Variants in ADARB2 observed in about 807,000 individuals in gnomAD.
ADARB2 encodes the protein inactive double-stranded RNA-specific editase B2.
Under a neutral mutation model 62.2 loss-of-function variants are expected in ADARB2, and 25 were observed. The observed-to-expected ratio is 0.40, with a 90% confidence interval of 0.29 to 0.56. ADARB2 has a LOEUF of 0.56. Among genes scored for constraint, ADARB2 ranks in the 20% least tolerant of loss-of-function variants. ADARB2 has a pLI of 0.43. For synonymous variants in ADARB2, 572 were observed against 500.8 expected, an observed-to-expected ratio of 1.14 and a Z score of -1.90; for missense variants, 1,071 against 1,077.4, an observed-to-expected ratio of 0.99 and a Z score of 0.08.
At chr10:1,665,797 C>T (rs1292641355) in intron 1 of ADARB2, among the ~76,000 whole-genome samples, 3 of 152,212 alleles carry the variant, frequency 2.0e-5, no homozygotes, top group Non-Finnish European at 4.4e-5. Flanking sequence ...TTGTGTCCCC[C>T]AGAGAAGGCC....
intron 4 of ADARB2, among the ~76,000 whole-genome samples, chr10:1,260,040 A>C (rs1831118917): frequency 6.6e-6 from 1 of 152,210 alleles, no homozygotes. Context: ...ACAGAACCAA[A>C]GGCAAAAACC....
At chr10:1,715,045 C>A (rs1443131014) in intron 1 of ADARB2, among the ~76,000 whole-genome samples, 1 of 141,536 alleles carries the variant, frequency 7.1e-6, no homozygotes, top group African/African-American at 2.7e-5. Flanking sequence ...ATGTTCCCAA[C>A]AAGGGGCTTT....
At chr10:1,542,977 G>GTAGT (rs1832459115) in intron 1 of ADARB2, among the ~76,000 whole-genome samples, 1 of 152,266 alleles carries the variant, frequency 6.6e-6, no homozygotes, top group African/African-American at 2.4e-5. Context: ...GATCACAGCT[G>GTAGT]TCCGTCCGCC....
At chr10:1,568,945 T>C (rs189733261) in intron 1 of ADARB2, among the ~76,000 whole-genome samples, 96 of 152,200 alleles carry the variant, frequency 6.3e-4, no homozygotes, top group African/African-American at 2.2e-3. Context: ...ATTTGTATGA[T>C]GACCTGGAAG....
intron 2 of ADARB2, among the ~76,000 whole-genome samples, chr10:1,371,352 C>A (rs1351572876): frequency 6.6e-6 from 1 of 152,096 alleles, no homozygotes. Flanking sequence ...TACAAGAAAA[C>A]CTAGGAAAAA....
chr10:1,665,262 A>G (rs533023135), intron 1 of ADARB2, among the ~76,000 whole-genome samples: 2 of 152,342 alleles, frequency 1.3e-5, no homozygotes, highest in East Asian at 3.9e-4. Flanking sequence ...GACTTCATAT[A>G]ACAATTAATA....
chr10:1,241,252 C>G (rs768626130), intron 5 of ADARB2, among the ~76,000 whole-genome samples: 2 of 151,704 alleles, frequency 1.3e-5, no homozygotes, highest in African/African-American at 2.4e-5. Context: ...GAGCAAGACT[C>G]CATCTCAAAA....
In ADARB2 at chr10:1,285,439, G is replaced by C. The variant is rs530011768; in HGVS notation, c.1078-14370C>G. On this transcript the variant is annotated intron_variant, in intron 3 of 9. Coordinates refer to ENST00000381312, the MANE Select transcript of ADARB2 (RefSeq NM_018702.4). ...TGGCACCCTCAGAGCAGAGGTTTAA[G>C]ATACCCAGCCTTGAAGCTATGAATG... Among the ~76,000 whole-genome samples, 142 of 152,348 alleles carry C rather than the reference G, an allele frequency of 9.3e-4. 1 individual carries two copies. The Middle Eastern group carries it at 0.01, about 11-fold the overall frequency.
At chr10:1,321,066 A>G (rs1054099653) in intron 3 of ADARB2, among the ~76,000 whole-genome samples, 7 of 152,218 alleles carry the variant, frequency 4.6e-5, no homozygotes, top group African/African-American at 1.4e-4. Flanking sequence ...TCTGACTTCC[A>G]TCTGTCATAC....
At chr10:1,717,140 T>G (rs1835028620) in intron 1 of ADARB2, among the ~76,000 whole-genome samples, 1 of 146,400 alleles carries the variant, frequency 6.8e-6, no homozygotes, top group South Asian at 2.2e-4. Context: ...CTGTCTCTGC[T>G]TGGGTTTGTA....
chr10:1,341,977 C>T (rs1293229523), intron 3 of ADARB2, among the ~76,000 whole-genome samples: 2 of 152,266 alleles, frequency 1.3e-5, no homozygotes, highest in Non-Finnish European at 2.9e-5. Context: ...TCTCACTCTT[C>T]TTTCTGATGT....
rs1415261395 is a variant in ADARB2 at position 1,227,415 on chromosome 10, TGCACCTACTGTCTG to T, written c.1513+6265_1513+6278del. Among the ~76,000 whole-genome samples the T allele has an allele frequency of 3.3e-5, 5 of 152,344 alleles. No individual in the cohort carries two copies. The East Asian group carries it at 9.7e-4, about 29-fold the overall frequency. ...GCACGGTGCACTGCACCCAGTGTCC[TGCACCTACTGTCTG>T]GCACTCCCCAGTGAGATGAACCCGG... On this transcript the variant is annotated intron_variant, in intron 6 of 9. Coordinates refer to ENST00000381312, the MANE Select transcript of ADARB2 (RefSeq NM_018702.4).
intron 1 of ADARB2, among the ~76,000 whole-genome samples, chr10:1,409,982 T>C (rs1588248039): frequency 5.5e-5 from 1 of 18,196 alleles, no homozygotes; most frequent in African/African-American, 1.2e-4. Context: ...TAGGGAAGGA[T>C]TCTCAGTGGT....
At chr10:1,725,141 A>T (rs1835147403) in intron 1 of ADARB2, among the ~76,000 whole-genome samples, 2 of 152,196 alleles carry the variant, frequency 1.3e-5, no homozygotes, top group African/African-American at 4.8e-5. Context: ...CTGCCAGGAC[A>T]TGTCCTCCCT....
chr10:1,473,261 T>C (rs964412862), intron 1 of ADARB2, among the ~76,000 whole-genome samples: 1 of 152,282 alleles, frequency 6.6e-6, no homozygotes, highest in Admixed American at 6.5e-5. Context: ...TTCTGCCTTA[T>C]GCCCCTCAGG....
chr10:1,205,841 G>A (rs9664591), intron 7 of ADARB2, among the ~76,000 whole-genome samples: 73,633 of 152,106 alleles, frequency 0.48, 20,487 homozygotes, highest in East Asian at 0.72. Context: ...CGTTTGGGAC[G>A]TGAGACATCT....
In ADARB2 at chr10:1,637,723, A is replaced by T. The variant is rs149833468; in HGVS notation, c.100+99328T>A. Among the ~76,000 whole-genome samples, 543 of 152,304 alleles carry T rather than the reference A, an allele frequency of 3.6e-3. 3 individuals are homozygous for T. The highest frequency in any genetic ancestry group is 0.012 in the African/African-American group (495 of 41,558). ...TGCCACTCTTAAACTGCAGTTTCAT[A>T]CGATGATGTATTAATCGCTCGCAAT... is the stretch of plus-strand genomic sequence containing the variant. On this transcript the variant is annotated intron_variant, in intron 1 of 9. Transcript: ENST00000381312.
intron 1 of ADARB2, among the ~76,000 whole-genome samples, chr10:1,410,352 T>C (rs1391432268): frequency 6.6e-6 from 1 of 152,100 alleles, no homozygotes; most frequent in Non-Finnish European, 1.5e-5. Flanking sequence ...GGCCTGGCTG[T>C]GGTCATGGGG....
chr10:1,313,869 C>T (rs1006964457), intron 3 of ADARB2, among the ~76,000 whole-genome samples: 8 of 152,244 alleles, frequency 5.3e-5, no homozygotes, highest in African/African-American at 1.7e-4. Context: ...TCCTGCCTCC[C>T]AGCGTCCTCC....
Sources: allele counts gnomAD v4.1 joint callset (sites outside exome capture counted in the v4.1 genomes callset), GRCh38; gene constraint gnomAD v4.1.1; transcripts MANE v1.5; gene names NCBI Gene and HGNC (gene_info 2026-07-23, HGNC 2026-07-21).